LRRC37A: variants seen among roughly 807,000 people sequenced by gnomAD.
LRRC37A encodes the protein leucine-rich repeat-containing protein 37A.
In LRRC37A, 3 loss-of-function variants were observed where a neutral mutation model predicts 35.4. The ratio of observed to expected loss-of-function variants is 0.08; its 90% CI spans 0.04 to 0.22. The LOEUF (loss-of-function observed/expected upper bound fraction) is 0.22, where lower values mean the gene tolerates loss of function less well. Among genes scored for constraint, LRRC37A ranks in the 10% least tolerant of loss-of-function variants. LRRC37A has a pLI of 1.00. For missense variants in LRRC37A, 67 were observed against 565.3 expected (o/e 0.12, Z 8.94); for synonymous variants, 23 against 215.0 (o/e 0.11, Z 7.81).
chr17:46,261,659 C>A, the LRRC37A span, among the ~76,000 whole-genome samples: 13,086 of 138,480 alleles, frequency 0.094, 1 homozygote, highest in Middle Eastern at 0.16. Flanking sequence ...GTGATCTGCC[C>A]GCCTCGGCCT....
At chr17:46,286,824 G>A in the LRRC37A span, among the ~76,000 whole-genome samples, 1 of 152,260 alleles carries the variant, frequency 6.6e-6, no homozygotes, top group Non-Finnish European at 1.5e-5. Flanking sequence ...TGCAGATACA[G>A]TACAATTCCT....
the LRRC37A span, among the ~76,000 whole-genome samples, chr17:46,265,297 CTTCTTCTTCTTCTTCTTCCTCT>C: frequency 1.2e-3 from 120 of 98,152 alleles, 1 homozygote; most frequent in East Asian, 0.022. Context: ...TCTTCTTCTT[CTTCTTCTTCTTCTTCTTCCTCT>C]TCTTCTTTTT....
chr17:46,260,250 C>G, the LRRC37A span: 3 of 1,528,758 alleles, frequency 2.0e-6, no homozygotes, highest in Non-Finnish European at 2.6e-6. Context: ...GGCAGGACGG[C>G]CGCAGCGGGT....
chr17:46,267,677 C>T, the LRRC37A span, among the ~76,000 whole-genome samples: 1 of 147,728 alleles, frequency 6.8e-6, no homozygotes, highest in Admixed American at 6.8e-5. Context: ...GTATTATTTC[C>T]GCCACTGTGA....
chr17:46,253,074 G>C, the LRRC37A span, among the ~76,000 whole-genome samples: 1 of 147,564 alleles, frequency 6.8e-6, no homozygotes, highest in Non-Finnish European at 1.5e-5. Context: ...TCTCAGACAG[G>C]GCGGTTGCCG....
the LRRC37A span, among the ~76,000 whole-genome samples, chr17:46,253,238 G>A: frequency 1.6e-4 from 24 of 146,500 alleles, no homozygotes; most frequent in African/African-American, 6.1e-4. Context: ...TGGGCGGCCG[G>A]GCAGAGACGC....
the LRRC37A span, among the ~76,000 whole-genome samples, chr17:46,281,786 G>A: frequency 1.3e-5 from 2 of 151,980 alleles, no homozygotes; most frequent in Non-Finnish European, 2.9e-5. Flanking sequence ...TGGGATTACA[G>A]GTGTGCATCA....
chr17:46,262,346 T>G, the LRRC37A span, among the ~76,000 whole-genome samples: 19,368 of 150,884 alleles, frequency 0.13, no homozygotes, highest in Middle Eastern at 0.2. Context: ...TCTTCCTTCC[T>G]TTCTCCCTTC....
intron 10 of LRRC37A, 80 bp from the exon 11 acceptor site, chr17:46,335,465 T>A (rs565449799): frequency 5.9e-6 from 1 of 168,942 alleles, no homozygotes; most frequent in South Asian, 7.9e-5. Context: ...AGACTTATAA[T>A]GAATAAAAGG....
At chr17:46,277,363 TC>T in the LRRC37A span, among the ~76,000 whole-genome samples, 1 of 152,168 alleles carries the variant, frequency 6.6e-6, no homozygotes, top group Non-Finnish European at 1.5e-5. Context: ...CCAGCAGTCA[TC>T]CTCTGGGCTC....
the LRRC37A span, among the ~76,000 whole-genome samples, chr17:46,259,019 A>ATTTTTTTTTT: frequency 1.9e-3 from 147 of 79,418 alleles, 13 homozygotes; most frequent in Middle Eastern, 6.9e-3. Flanking sequence ...CACCCGGCCT[A>ATTTTTTTTTT]TTTTTTTTTT....
At chr17:46,289,481 T>A (rs1335566377), upstream of LRRC37A, among the ~76,000 whole-genome samples, 1 of 152,144 alleles carries the variant, frequency 6.6e-6, no homozygotes, top group African/African-American at 2.4e-5. Context: ...CATAAGAATA[T>A]TTCTTAAAAT....
At chr17:46,282,183 A>C in the LRRC37A span, among the ~76,000 whole-genome samples, 1 of 151,890 alleles carries the variant, frequency 6.6e-6, no homozygotes, top group African/African-American at 2.4e-5. Context: ...GCTCACTGCA[A>C]GCTCTGTCTC....
At chr17:46,264,954 A>T in the LRRC37A span, among the ~76,000 whole-genome samples, 1 of 152,274 alleles carries the variant, frequency 6.6e-6, no homozygotes, top group Non-Finnish European at 1.5e-5. Context: ...ATTCCACTTG[A>T]CTTAAATAAA....
chr17:46,281,566 A>G, the LRRC37A span, among the ~76,000 whole-genome samples: 1 of 152,120 alleles, frequency 6.6e-6, no homozygotes, highest in South Asian at 2.1e-4. Flanking sequence ...AGTAGCTAGG[A>G]CTACAGGTGC....
At chr17:46,314,401 C>T (rs1485607765) in intron 5 of LRRC37A, among the ~76,000 whole-genome samples, 2 of 73,732 alleles carry the variant, frequency 2.7e-5, no homozygotes, top group African/African-American at 7.2e-5. Context: ...TTCTTATAAT[C>T]GTGTGAGATG....
the LRRC37A span, among the ~76,000 whole-genome samples, chr17:46,277,917 C>T: frequency 6.6e-6 from 1 of 152,032 alleles, no homozygotes; most frequent in Admixed American, 6.6e-5. Flanking sequence ...GCTAGGATTA[C>T]GGACATGAGC....
chr17:46,291,065 C>T (rs62073178), upstream of LRRC37A, among the ~76,000 whole-genome samples: 21,376 of 151,708 alleles, frequency 0.14, 1,752 homozygotes, highest in Non-Finnish European at 0.21. Context: ...TATCTAGTCT[C>T]ATAAAGTCAA....
At chr17:46,252,825 T>C in the LRRC37A span, among the ~76,000 whole-genome samples, 2 of 151,654 alleles carry the variant, frequency 1.3e-5, no homozygotes, top group Admixed American at 1.3e-4. Flanking sequence ...TCCCCACCTT[T>C]CCCCCCTTTC....
Sources: gnomAD v4.1 joint callset for allele counts (sites outside exome capture counted in the v4.1 genomes callset) on GRCh38, gnomAD v4.1.1 for gene constraint, MANE v1.5 for transcripts, NCBI Gene and HGNC (gene_info 2026-07-23, HGNC 2026-07-21) for gene names.